Variants in MACROD2 observed in about 807,000 individuals in gnomAD.
MACROD2 encodes ADP-ribose glycohydrolase MACROD2.
In MACROD2, 36 loss-of-function variants were observed where a neutral mutation model predicts 70.4. That is an observed-to-expected ratio of 0.51 (90% CI 0.39 to 0.68). The LOEUF (loss-of-function observed/expected upper bound fraction) is 0.68. Among genes scored for constraint, MACROD2 ranks in the 30% least tolerant of loss-of-function variants. MACROD2 has a pLI of 0.00. For synonymous variants in MACROD2, 172 were observed against 178.8 expected, an observed-to-expected ratio of 0.96 and a Z score of 0.30; for missense variants, 496 against 538.4, an observed-to-expected ratio of 0.92 and a Z score of 0.78.
intron 3 of MACROD2, among the ~76,000 whole-genome samples, chr20:14,431,251 C>T (rs2083991467): frequency 6.6e-6 from 1 of 152,018 alleles, no homozygotes; most frequent in Non-Finnish European, 1.5e-5. Context: ...TGCAAGGAGG[C>T]ATACAGAGGC....
chr20:15,942,362 C>T (rs918808886), intron 12 of MACROD2, among the ~76,000 whole-genome samples: 9 of 152,080 alleles, frequency 5.9e-5, no homozygotes, highest in African/African-American at 2.2e-4. Context: ...ATAATTCATC[C>T]GGAATGCATG....
intron 5 of MACROD2, among the ~76,000 whole-genome samples, chr20:15,100,157 G>A (rs2075861406): frequency 6.6e-6 from 1 of 151,700 alleles, no homozygotes; most frequent in Admixed American, 6.6e-5. Flanking sequence ...GGTTGGTCTT[G>A]AACTCCTGGA....
intron 2 of MACROD2, among the ~76,000 whole-genome samples, chr20:14,007,960 A>T (rs2052845703): frequency 6.6e-6 from 1 of 152,244 alleles, no homozygotes; most frequent in South Asian, 2.1e-4. Context: ...TCTTATACTC[A>T]AGTATAAAAT....
intron 3 of MACROD2, among the ~76,000 whole-genome samples, chr20:14,096,634 A>G (rs1375805149): frequency 6.6e-6 from 1 of 152,238 alleles, no homozygotes; most frequent in East Asian, 1.9e-4. Context: ...TCCAAAAAGG[A>G]TTGCAGGTGT....
intron 2 of MACROD2, among the ~76,000 whole-genome samples, chr20:14,037,941 C>G (rs968601278): frequency 4.0e-5 from 6 of 151,854 alleles, no homozygotes; most frequent in African/African-American, 1.2e-4. Flanking sequence ...AGGCCAGAAG[C>G]GGGAGGCAGC....
chr20:15,610,525 G>A (rs938360216), intron 8 of MACROD2, among the ~76,000 whole-genome samples: 4 of 152,096 alleles, frequency 2.6e-5, no homozygotes, highest in African/African-American at 7.2e-5. Context: ...TCTTACAGGG[G>A]CACTTACCAC....
chr20:15,713,220 T>C (rs1219325246), intron 8 of MACROD2, among the ~76,000 whole-genome samples: 1 of 152,214 alleles, frequency 6.6e-6, no homozygotes, highest in Non-Finnish European at 1.5e-5. Flanking sequence ...TTTTCAAAGA[T>C]ATAGAGTCTG....
At position 16,049,032 on chromosome 20, in the gene MACROD2, C is replaced by T. The variant is rs189950440; in HGVS notation, c.1301-798C>T. Among the ~76,000 whole-genome samples, 15 of 152,288 alleles carry T rather than the reference C, an allele frequency of 9.8e-5. No individual in the cohort carries two copies. In the Middle Eastern group the frequency reaches 0.01, roughly 104 times the overall value. ...ACATGAATGAATCTCAGAAGCATTACACTGAGTGAAAGGAGACAGACACAA... is the reference window on the plus strand; with the variant it reads ...ACATGAATGAATCTCAGAAGCATTATACTGAGTGAAAGGAGACAGACACAA... On this transcript the variant is annotated intron_variant, in intron 17 of 17. Coordinates refer to ENST00000684519, the MANE Select transcript of MACROD2 (RefSeq NM_001351661.2).
At chr20:15,610,442 G>A (rs538149398) in intron 8 of MACROD2, among the ~76,000 whole-genome samples, 11 of 152,206 alleles carry the variant, frequency 7.2e-5, no homozygotes, top group Non-Finnish European at 1.3e-4. Flanking sequence ...TGGACTTGTG[G>A]CTGTGTAACT....
At chr20:15,095,579 A>G (rs1284746285) in intron 5 of MACROD2, among the ~76,000 whole-genome samples, 3 of 150,304 alleles carry the variant, frequency 2.0e-5, no homozygotes, top group Non-Finnish European at 4.4e-5. Context: ...GTGCAGTGGC[A>G]CAATCTCGGC....
intron 6 of MACROD2, among the ~76,000 whole-genome samples, chr20:15,380,978 A>G (rs956168113): frequency 4.6e-5 from 7 of 152,202 alleles, no homozygotes. Flanking sequence ...CTGTAAATGA[A>G]AATACAGACC....
intron 8 of MACROD2, among the ~76,000 whole-genome samples, chr20:15,643,807 A>T (rs749845961): frequency 8.5e-5 from 13 of 152,198 alleles, no homozygotes; most frequent in Non-Finnish European, 1.2e-4. Context: ...ATCTCAAAGT[A>T]GAGGCTTAAA....
chr20:15,187,998 C>G (rs1029823046), intron 5 of MACROD2, among the ~76,000 whole-genome samples: 1 of 152,114 alleles, frequency 6.6e-6, no homozygotes, highest in East Asian at 1.9e-4. Context: ...CCCCTACACA[C>G]GAATGTAATG....
chr20:14,268,217 G>A (rs1387336891), intron 3 of MACROD2, among the ~76,000 whole-genome samples: 1 of 151,918 alleles, frequency 6.6e-6, no homozygotes, highest in Non-Finnish European at 1.5e-5. Context: ...CTATACTTTA[G>A]CTTAGCAGAA....
chr20:14,123,665 A>G (rs1056768346), intron 3 of MACROD2, among the ~76,000 whole-genome samples: 1 of 152,196 alleles, frequency 6.6e-6, no homozygotes, highest in African/African-American at 2.4e-5. Context: ...GTAATCATCA[A>G]TGTTTCAGAA....
intron 15 of MACROD2, among the ~76,000 whole-genome samples, chr20:16,034,653 TTTATTA>T (rs1182845487): frequency 6.6e-6 from 1 of 151,940 alleles, no homozygotes; most frequent in African/African-American, 2.4e-5. Context: ...GTTTTAACAC[TTTATTA>T]TTATTATTTT....
intron 6 of MACROD2, among the ~76,000 whole-genome samples, chr20:15,359,634 A>G (rs936876244): frequency 5.9e-5 from 9 of 151,998 alleles, no homozygotes; most frequent in African/African-American, 2.2e-4. Flanking sequence ...TATAAATCAT[A>G]TATATGCTTT....
intron 6 of MACROD2, among the ~76,000 whole-genome samples, chr20:15,392,049 T>C (rs1198295506): frequency 6.6e-6 from 1 of 152,154 alleles, no homozygotes; most frequent in East Asian, 1.9e-4. Context: ...GGGAAAACTA[T>C]GGAAATGGGA....
intron 3 of MACROD2, among the ~76,000 whole-genome samples, chr20:14,437,545 G>A (rs2084070116): frequency 6.6e-6 from 1 of 152,116 alleles, no homozygotes; most frequent in African/African-American, 2.4e-5. Flanking sequence ...AGTGAGTCAA[G>A]ATCATGCCAT....
Sources: allele counts gnomAD v4.1 joint callset (sites outside exome capture counted in the v4.1 genomes callset), GRCh38; gene constraint gnomAD v4.1.1; transcripts MANE v1.5; gene names NCBI Gene and HGNC (gene_info 2026-07-23, HGNC 2026-07-21).